FRMD4A: variants seen among roughly 807,000 people sequenced by gnomAD.
FRMD4A encodes the protein FERM domain containing 4A.
In FRMD4A, 29 loss-of-function variants were observed where a neutral mutation model predicts 129.1. That is an observed-to-expected ratio of 0.22 (90% CI 0.17 to 0.31). The LOEUF (loss-of-function observed/expected upper bound fraction) is 0.31, where lower values mean the gene tolerates loss of function less well. Ranked by LOEUF, FRMD4A falls within the 10% of genes least tolerant of loss-of-function variation. FRMD4A has a pLI of 1.00. For missense variants in FRMD4A, 1,272 were observed against 1,375.8 expected, an observed-to-expected ratio of 0.92 and a Z score of 1.19; for synonymous variants, 634 against 571.6, an observed-to-expected ratio of 1.11 and a Z score of -1.56.
At chr10:13,879,718 TTCTCCCTTCTCCCTCCTCC>T (rs2094525798) in intron 2 of FRMD4A, among the ~76,000 whole-genome samples, 1 of 143,520 alleles carries the variant, frequency 7.0e-6, no homozygotes, top group Non-Finnish European at 1.5e-5. Context: ...TCTTCCTCCC[TTCTCCCTTCTCCCTCCTCC>T]TCTCCCTTCT....
intron 2 of FRMD4A, among the ~76,000 whole-genome samples, chr10:14,094,903 G>C (rs1437558429): frequency 6.6e-6 from 1 of 152,140 alleles, no homozygotes; most frequent in African/African-American, 2.4e-5. Flanking sequence ...CTATGCCTGT[G>C]TATGAATGTG....
intron 2 of FRMD4A, among the ~76,000 whole-genome samples, chr10:14,195,715 A>C (rs1399651559): frequency 1.3e-5 from 2 of 152,244 alleles, no homozygotes; most frequent in Admixed American, 1.3e-4. Flanking sequence ...TTCAGAGACC[A>C]AAATGAAACC....
intron 5 of FRMD4A, among the ~76,000 whole-genome samples, chr10:13,784,875 C>T (rs888073939): frequency 1.3e-5 from 2 of 151,426 alleles, no homozygotes; most frequent in Non-Finnish European, 2.9e-5. Context: ...CCTGTAGTCC[C>T]AGCTACTTGG....
chr10:14,088,289 A>C (rs1836414557), intron 2 of FRMD4A, among the ~76,000 whole-genome samples: 1 of 151,940 alleles, frequency 6.6e-6, no homozygotes, highest in South Asian at 2.1e-4. Flanking sequence ...TCTATTTAAA[A>C]AACGACATTT....
chr10:13,695,780 C>G (rs1374906021), intron 14 of FRMD4A, among the ~76,000 whole-genome samples: 3 of 152,188 alleles, frequency 2.0e-5, no homozygotes, highest in African/African-American at 7.2e-5. Flanking sequence ...GTGGTGAAGG[C>G]CATGGAGGGG....
At chr10:14,009,958 G>A (rs1047194921) in intron 2 of FRMD4A, among the ~76,000 whole-genome samples, 3 of 152,138 alleles carry the variant, frequency 2.0e-5, no homozygotes, top group African/African-American at 7.2e-5. Flanking sequence ...AAAAAATCTG[G>A]AACGATACCC....
intron 2 of FRMD4A, among the ~76,000 whole-genome samples, chr10:14,273,087 C>CAT (rs1029784201): frequency 4.0e-5 from 6 of 151,016 alleles, no homozygotes; most frequent in Non-Finnish European, 7.4e-5. Flanking sequence ...CACACACACA[C>CAT]ACATGCACAC....
chr10:14,268,052 T>C (rs951314193), intron 2 of FRMD4A, among the ~76,000 whole-genome samples: 5 of 152,170 alleles, frequency 3.3e-5, no homozygotes, highest in African/African-American at 7.2e-5. Context: ...AGGCATCAAA[T>C]GGGATAGTAT....
intron 15 of FRMD4A, among the ~76,000 whole-genome samples, chr10:13,677,047 G>A (rs2084067901): frequency 6.6e-6 from 1 of 152,144 alleles, no homozygotes. Flanking sequence ...CTGTCCCGTG[G>A]CATCAAACAG....
At chr10:13,834,005 C>T (rs1343366452) in intron 3 of FRMD4A, among the ~76,000 whole-genome samples, 2 of 152,112 alleles carry the variant, frequency 1.3e-5, no homozygotes, top group Non-Finnish European at 2.9e-5. Context: ...CGCCTGTAAT[C>T]CCAGGACTTT....
chr10:14,192,608 C>T (rs1842351847), intron 2 of FRMD4A, among the ~76,000 whole-genome samples: 1 of 152,128 alleles, frequency 6.6e-6, no homozygotes, highest in Admixed American at 6.6e-5. Context: ...ATCTCTTGGA[C>T]TTATGTATTT....
At chr10:13,984,201 G>A (rs2095573014) in intron 2 of FRMD4A, among the ~76,000 whole-genome samples, 1 of 152,126 alleles carries the variant, frequency 6.6e-6, no homozygotes, top group Admixed American at 6.5e-5. Context: ...TAAAACCAGA[G>A]CAGCCCACAT....
At chr10:14,258,181 CA>C (rs1844680988) in intron 2 of FRMD4A, among the ~76,000 whole-genome samples, 1 of 151,132 alleles carries the variant, frequency 6.6e-6, no homozygotes, top group African/African-American at 2.4e-5. Context: ...CATTTTACTT[CA>C]AAAAATATAG....
intron 2 of FRMD4A, among the ~76,000 whole-genome samples, chr10:14,253,988 C>T (rs540039414): frequency 6.6e-6 from 1 of 152,312 alleles, no homozygotes; most frequent in South Asian, 2.1e-4. Context: ...AGACGATACA[C>T]TTTCTCACTA....
At chr10:14,284,609 C>T (rs1452298309) in intron 2 of FRMD4A, among the ~76,000 whole-genome samples, 3 of 152,142 alleles carry the variant, frequency 2.0e-5, no homozygotes, top group East Asian at 1.9e-4. Context: ...GTCGAGATCG[C>T]GCCACTGCAT....
rs759653874 is a variant in FRMD4A at position 13,657,535 on chromosome 10, G to C, written c.2067-13C>G. The C allele has an allele frequency of 6.4e-7, 1 of 1,550,828 alleles. No individual in the cohort carries two copies. The highest frequency in any genetic ancestry group is 8.7e-7 in the Non-Finnish European group (1 of 1,150,222). On this transcript the variant is annotated splice_polypyrimidine_tract_variant and intron_variant, in intron 21 of 24. Coordinates refer to ENST00000357447, the MANE Select transcript of FRMD4A (RefSeq NM_018027.5). ...GATGTCCACCGACCTGCCGGGAGAC[G>C]ACCCGGGTTGGTCTGGGGGTGGGGA...
At chr10:14,205,121 G>A (rs1842745709) in intron 2 of FRMD4A, among the ~76,000 whole-genome samples, 1 of 147,394 alleles carries the variant, frequency 6.8e-6, no homozygotes, top group African/African-American at 2.5e-5. Context: ...TTACCTAAAA[G>A]CAAGATTTGG....
intron 2 of FRMD4A, among the ~76,000 whole-genome samples, chr10:14,073,680 T>A (rs1835422561): frequency 6.6e-6 from 1 of 152,150 alleles, no homozygotes; most frequent in Non-Finnish European, 1.5e-5. Context: ...TCCAGGGGTA[T>A]GAATGTGTCG....
intron 2 of FRMD4A, among the ~76,000 whole-genome samples, chr10:14,289,884 A>G (rs544904500): frequency 1.9e-4 from 29 of 152,100 alleles, no homozygotes; most frequent in African/African-American, 6.5e-4. Flanking sequence ...CACAAAAAAA[A>G]CTCTTAGGAC....
Sources: allele counts gnomAD v4.1 joint callset (sites outside exome capture counted in the v4.1 genomes callset), GRCh38; gene constraint gnomAD v4.1.1; transcripts MANE v1.5; gene names NCBI Gene and HGNC (gene_info 2026-07-23, HGNC 2026-07-21).